EXT2: variants seen among roughly 807,000 people sequenced by gnomAD.
The protein encoded by EXT2 is exostosin glycosyltransferase 2.
EXT2 carries 53 observed loss-of-function variants against 81.6 expected under a neutral mutation model. That is an observed-to-expected ratio of 0.65 (90% confidence interval 0.52 to 0.82). EXT2 has a LOEUF of 0.82. EXT2 is among the 40% of genes least tolerant of loss of function. The probability of loss-of-function intolerance (pLI) is 0.00; values close to 1 mark genes in which losing one functional copy is unlikely to be tolerated. For missense variants in EXT2, 774 were observed against 910.2 expected, an observed-to-expected ratio of 0.85 and a Z score of 1.93; for synonymous variants, 320 against 340.0, an observed-to-expected ratio of 0.94 and a Z score of 0.65.
At position 44,096,217 on chromosome 11, in the gene EXT2, C is replaced by T. The variant is rs776139089; in HGVS notation, c.-31+365C>T. 53 of 1,532,268 alleles carry T rather than the reference C, an allele frequency of 3.5e-5. No homozygotes were observed. In the East Asian group the frequency reaches 1.3e-3, roughly 37 times the overall value. The allele number at this position is 1,532,268 out of a possible 1,614,324, so 94.9% of individuals were successfully genotyped here. On this transcript the variant is annotated intron_variant, in intron 1 of 13. Transcript: ENST00000533608. ...ACCCCTCCCTTCCTGCTGCCACCTTCCCGCCAGCCACAGGGATCTGATTCC... is the reference window on the plus strand; with the variant it reads ...ACCCCTCCCTTCCTGCTGCCACCTTTCCGCCAGCCACAGGGATCTGATTCC...
intron 7 of EXT2, among the ~76,000 whole-genome samples, chr11:44,144,571 C>T (rs1954690591): frequency 6.6e-6 from 1 of 152,180 alleles, no homozygotes; most frequent in South Asian, 2.1e-4. Flanking sequence ...GGGACCTCAC[C>T]TCACAGCAGG....
At chr11:44,150,424 G>A (rs948979321) in intron 7 of EXT2, among the ~76,000 whole-genome samples, 5 of 152,128 alleles carry the variant, frequency 3.3e-5, no homozygotes, top group African/African-American at 9.7e-5. Context: ...TAGAAGGATG[G>A]AAATGTGGGA....
Position 44,249,671 on chromosome 11 carries a change from T to C in EXT2, c.*5384T>C, listed in dbSNP as rs1459637291. ...CATCAACTCAAGGAACATTTGGTTT[T>C]CTGGTGAGCACAGCTGAAGACCAAC... On this transcript the variant is annotated 3_prime_UTR_variant, in exon 14 of 14. Transcript: ENST00000533608. Among the ~76,000 whole-genome samples the C allele has an allele frequency of 2.6e-5, 4 of 152,244 alleles. No homozygotes were observed. Among genetic ancestry groups the C allele is most frequent in the African/African-American group, 9.6e-5 (4 of 41,458 alleles).
intron 7 of EXT2, among the ~76,000 whole-genome samples, chr11:44,143,479 T>C (rs1954673263): frequency 6.6e-6 from 1 of 152,166 alleles, no homozygotes; most frequent in South Asian, 2.1e-4. Context: ...CCACAGTTAC[T>C]CCTACTCATA....
chr11:44,152,571 G>C (rs1273878547), intron 7 of EXT2, among the ~76,000 whole-genome samples: 1 of 152,078 alleles, frequency 6.6e-6, no homozygotes, highest in Non-Finnish European at 1.5e-5. Context: ...GGCTGGTCTT[G>C]AACTCCTGAC....
chr11:44,244,477 T>C lies in EXT2; in HGVS notation c.*190T>C. On this transcript the variant is annotated 3_prime_UTR_variant, in exon 14 of 14. Coordinates refer to ENST00000533608, the MANE Select transcript of EXT2 (RefSeq NM_207122.2). ...ATGAATATCCAAGCACCTCGAGCTA[T>C]GCAACCTCTGTTCTTGTATTTCTTA... 1.6e-6 allele frequency: 1 copy of C among 608,950 alleles called. No homozygotes were observed. Among genetic ancestry groups the C allele is most frequent in the Non-Finnish European group, 2.9e-6 (1 of 342,170 alleles). The allele number at this position is 608,950 out of a possible 1,614,324, so 37.7% of individuals were successfully genotyped here.
intron 10 of EXT2, among the ~76,000 whole-genome samples, chr11:44,210,256 C>T (rs1419530536): frequency 3.3e-5 from 5 of 152,172 alleles, no homozygotes; most frequent in African/African-American, 7.2e-5. Flanking sequence ...CAATGTCTAT[C>T]AACAGTTAAC....
At chr11:44,172,718 G>A (rs2135130376) in intron 8 of EXT2, among the ~76,000 whole-genome samples, 1 of 152,016 alleles carries the variant, frequency 6.6e-6, no homozygotes, top group South Asian at 2.1e-4. Context: ...CCAGTAGCTG[G>A]GATTACAGGC....
In EXT2 at chr11:44,249,314, CCTTT is replaced by C. The variant is rs1221385910; in HGVS notation, c.*5031_*5034del. The stretch of plus-strand genomic sequence containing the variant: ...TGCCTGGCCCAGGATAGCACTTTTT[CCTTT>C]CTTCTGCTCTCAGTTGGTTGGACCA... On this transcript the variant is annotated 3_prime_UTR_variant, in exon 14 of 14. Transcript: ENST00000533608. Among the ~76,000 whole-genome samples the C allele has an allele frequency of 2.0e-5, 3 of 151,946 alleles. No individual in the cohort carries two copies. Among genetic ancestry groups the C allele is most frequent in the African/African-American group, 7.2e-5 (3 of 41,418 alleles).
At chr11:44,154,650 A>G (rs1026076069) in intron 7 of EXT2, among the ~76,000 whole-genome samples, 5 of 152,130 alleles carry the variant, frequency 3.3e-5, no homozygotes, top group Non-Finnish European at 2.9e-5. Flanking sequence ...TTTGATATAT[A>G]TACCTAGCAT....
At chr11:44,215,903 T>C (rs1955712499) in intron 10 of EXT2, among the ~76,000 whole-genome samples, 1 of 145,742 alleles carries the variant, frequency 6.9e-6, no homozygotes, top group Non-Finnish European at 1.5e-5. Flanking sequence ...GGAGTCTCGC[T>C]CTGTCGCCCA....
chr11:44,219,646 G>A (rs1247946705), intron 10 of EXT2, among the ~76,000 whole-genome samples: 1 of 152,204 alleles, frequency 6.6e-6, no homozygotes, highest in East Asian at 1.9e-4. Context: ...GCCTCAGTCT[G>A]TTGGGAATCC....
Position 44,171,711 on chromosome 11 carries a change from C to T in EXT2, c.1274C>T (p.Ser425Phe), listed in dbSNP as rs2135128041. 6.2e-7 allele frequency: 1 copy of T among 1,614,030 alleles called. No homozygotes were observed. The change falls in exon 8 of 14, where the codon TCC becomes TTC. Residue 425 changes from serine (S) to phenylalanine (F), a missense_variant. Physicochemically the swap from Ser to Phe is radical, Grantham distance 155. Around this residue, in one of 2 missense-constraint regions of EXT2, gnomAD observed 626 missense variants for 670.5 expected, o/e 0.93. Coordinates refer to ENST00000533608, the MANE Select transcript of EXT2 (RefSeq NM_207122.2). Reference protein sequence around the residue: ...NDRIYPYAAISYEEWNDPPAV... With the variant: ...NDRIYPYAAIFYEEWNDPPAV... ...CGGATCTATCCATATGCTGCCATCTCCTATGAAGAATGGAATGACCCTCCT... is the reference window on the plus strand; with the variant it reads ...CGGATCTATCCATATGCTGCCATCTTCTATGAAGAATGGAATGACCCTCCT...
chr11:44,189,952 A>G (rs1955369421), intron 8 of EXT2, among the ~76,000 whole-genome samples: 1 of 152,154 alleles, frequency 6.6e-6, no homozygotes, highest in African/African-American at 2.4e-5. Flanking sequence ...TAGAGGTTTA[A>G]TGGTTAAGGC....
intron 8 of EXT2, among the ~76,000 whole-genome samples, chr11:44,173,166 G>A (rs1955101213): frequency 2.0e-5 from 3 of 152,152 alleles, no homozygotes; most frequent in African/African-American, 7.2e-5. Context: ...GGATGCAAAG[G>A]GGACAGGCAT....
intron 7 of EXT2, among the ~76,000 whole-genome samples, chr11:44,147,343 T>C (rs1357316140): frequency 1.3e-5 from 2 of 152,234 alleles, no homozygotes; most frequent in Admixed American, 6.5e-5. Flanking sequence ...CCTTGACTAG[T>C]AGGCAGGGCA....
intron 7 of EXT2, among the ~76,000 whole-genome samples, chr11:44,130,644 C>T (rs1359763542): frequency 6.6e-6 from 1 of 152,212 alleles, no homozygotes; most frequent in East Asian, 1.9e-4. Context: ...ACCCCATTCC[C>T]TAGGCTGATC....
Position 44,250,780 on chromosome 11 carries a change from C to A in EXT2, c.*6493C>A, listed in dbSNP as rs1956131952. On this transcript the variant is annotated 3_prime_UTR_variant, in exon 14 of 14. Transcript: ENST00000533608. ...ATTTGGAGTCCTCTCCCTGTGTTTT[C>A]TATGTGGCTTAATTTCAATAGAAAG... Among the ~76,000 whole-genome samples the A allele has an allele frequency of 2.0e-5, 3 of 152,184 alleles. No individual in the cohort carries two copies. Among genetic ancestry groups the A allele is most frequent in the African/African-American group, 4.8e-5 (2 of 41,426 alleles).
In EXT2 at chr11:44,108,221, C is replaced by T. The variant is rs113846849; in HGVS notation, c.509C>T (p.Thr170Ile). 6.7e-5 allele frequency: 108 copies of T among 1,613,280 alleles called. No individual in the cohort carries two copies. The African/African-American group carries it at 1.1e-3, about 16-fold the overall frequency. The change falls in exon 2 of 14, where the codon ACA (threonine) becomes ATA (isoleucine). Residue 170 changes from threonine to isoleucine, a missense_variant. Thr to Ile is a moderately conservative substitution (Grantham distance 89). Around this residue, in one of 2 missense-constraint regions of EXT2, gnomAD observed 626 missense variants for 670.5 expected, o/e 0.93. Transcript: ENST00000533608. ...CAGAACACACTGCGCATCAAGGAGA[C>T]AGCACAAGCGATGGCCCAGCTCTCT... is the stretch of plus-strand genomic sequence containing the variant. ...LNQNTLRIKE[T>I]AQAMAQLSRW...
Sources: allele counts gnomAD v4.1 joint callset (sites outside exome capture counted in the v4.1 genomes callset), GRCh38; gene constraint gnomAD v4.1.1; regional missense constraint gnomAD v4.1.1; transcripts MANE v1.5; gene names NCBI Gene and HGNC (gene_info 2026-07-23, HGNC 2026-07-21).